Variants in NAV2 observed in about 807,000 individuals in gnomAD.
NAV2 encodes the protein neuron navigator 2.
A neutral mutation model predicts 223.2 loss-of-function variants in NAV2; 54 were observed. The observed-to-expected ratio is 0.24, with a 90% CI of 0.19 to 0.30. The LOEUF is 0.30. Among genes scored for constraint, NAV2 ranks in the 10% least tolerant of loss-of-function variants. NAV2 has a pLI of 1.00. For missense variants in NAV2, 2,806 were observed against 3,147.5 expected (o/e 0.89, Z 2.60); for synonymous variants, 1,279 against 1,239.3 (o/e 1.03, Z -0.67).
rs1307357397 is a variant in NAV2, at chr11:19,998,311, C to G, written c.2768+14064C>G. Among the ~76,000 whole-genome samples the G allele has an allele frequency of 6.6e-6, 1 of 151,996 alleles. No individual in the cohort carries two copies. Among genetic ancestry groups the G allele is most frequent in the African/African-American group, 2.4e-5 (1 of 41,390 alleles). ...TCTCCGCCCACCTCCCTCTCCTTCT[C>G]TCTCATTGGCCATGGTGCAGGGGTC... On this transcript the variant is annotated intron_variant, in intron 11 of 37. Coordinates refer to ENST00000349880, the MANE Select transcript of NAV2 (RefSeq NM_145117.5). The surrounding 1 kb of genome is among the most constrained non-coding windows in gnomAD (Gnocchi z 5.0).
intron 1 of NAV2, among the ~76,000 whole-genome samples, chr11:19,752,857 T>C (rs1007108093): frequency 6.6e-6 from 1 of 152,182 alleles, no homozygotes; most frequent in Non-Finnish European, 1.5e-5. Context: ...GACTGAATTG[T>C]GTTCCCCCAA....
chr11:19,751,755 G>A (rs2053840622), intron 1 of NAV2, among the ~76,000 whole-genome samples: 1 of 152,142 alleles, frequency 6.6e-6, no homozygotes, highest in Non-Finnish European at 1.5e-5. Flanking sequence ...CTCTTTCAGT[G>A]GAATGCAAGC....
Position 20,048,791 on chromosome 11 carries a change from G to A in NAV2, c.3966G>A (p.Ser1322=), listed in dbSNP as rs1335439919. 8 of 1,614,142 alleles carry A rather than the reference G, an allele frequency of 5.0e-6. No individual in the cohort carries two copies. The highest frequency in any genetic ancestry group is 6.8e-6 in the Non-Finnish European group (8 of 1,180,028). ...PIATAENMKN[S]VVISNPHATM... Reference sequence around the variant, plus strand: ...CCACAGCTGAAAACATGAAAAATTCGGTGGTCATCTCCAATCCTCATGCCA... The same window carrying A: ...CCACAGCTGAAAACATGAAAAATTCAGTGGTCATCTCCAATCCTCATGCCA... Residue 1322 remains serine, a synonymous_variant, in exon 15 of 38, where the codon TCG becomes TCA. Transcript: ENST00000349880.
chr11:19,798,175 T>C (rs903629999), intron 1 of NAV2, among the ~76,000 whole-genome samples: 3 of 152,174 alleles, frequency 2.0e-5, no homozygotes, highest in African/African-American at 7.2e-5. Flanking sequence ...CACCAGTTGA[T>C]GGTTCATCTA....
At chr11:20,070,859 A>T (rs2059356643) in intron 22 of NAV2, among the ~76,000 whole-genome samples, 2 of 152,220 alleles carry the variant, frequency 1.3e-5, no homozygotes, top group African/African-American at 2.4e-5. Flanking sequence ...GTTTAGCAGA[A>T]AAATGGGATC....
chr11:19,968,886 A>G (rs527385807), intron 10 of NAV2, among the ~76,000 whole-genome samples: 1 of 152,150 alleles, frequency 6.6e-6, no homozygotes, highest in Admixed American at 6.5e-5. Flanking sequence ...GACTGCTGCT[A>G]GGGCACCCCT....
intron 1 of NAV2, among the ~76,000 whole-genome samples, chr11:19,442,925 A>G (rs1851455634): frequency 6.6e-6 from 1 of 152,124 alleles, no homozygotes; most frequent in Non-Finnish European, 1.5e-5. Context: ...CCATCGGGAG[A>G]AATGTGGTCC....
At chr11:19,949,540 T>C (rs934020407) in intron 10 of NAV2, among the ~76,000 whole-genome samples, 1 of 152,212 alleles carries the variant, frequency 6.6e-6, no homozygotes, top group African/African-American at 2.4e-5. Context: ...GCCTGGATTC[T>C]GCTTCCCAGA....
intron 5 of NAV2, among the ~76,000 whole-genome samples, chr11:19,891,806 T>A (rs2041520121): frequency 6.6e-6 from 1 of 152,190 alleles, no homozygotes; most frequent in Non-Finnish European, 1.5e-5. Context: ...ACAGTTTTTA[T>A]ACCTATCAGA....
chr11:19,585,879 A>T (rs2045881208), intron 1 of NAV2, among the ~76,000 whole-genome samples: 1 of 151,870 alleles, frequency 6.6e-6, no homozygotes, highest in Non-Finnish European at 1.5e-5. Flanking sequence ...CTTCTCGAGG[A>T]GTATGTTTGT....
At chr11:19,858,462 G>T (rs951180913) in intron 3 of NAV2, among the ~76,000 whole-genome samples, 13 of 152,154 alleles carry the variant, frequency 8.5e-5, no homozygotes, top group Non-Finnish European at 1.8e-4. Flanking sequence ...TTTATCCTTT[G>T]ATGCGTTGCA....
At chr11:20,014,305 A>G (rs1830371311) in intron 11 of NAV2, among the ~76,000 whole-genome samples, 1 of 152,200 alleles carries the variant, frequency 6.6e-6, no homozygotes. Flanking sequence ...GTAGCACTGA[A>G]ACATTTTCTT....
chr11:19,846,613 A>G (rs1276459610), intron 3 of NAV2, among the ~76,000 whole-genome samples: 4 of 152,224 alleles, frequency 2.6e-5, no homozygotes, highest in African/African-American at 9.6e-5. Flanking sequence ...GCATCTACAC[A>G]GTGCTTTAAG....
At chr11:20,057,317 C>T (rs1182941271) in intron 19 of NAV2, among the ~76,000 whole-genome samples, 1 of 152,168 alleles carries the variant, frequency 6.6e-6, no homozygotes, top group East Asian at 1.9e-4. Context: ...GAGCAATTGC[C>T]CCCTGGTTTA....
At chr11:19,889,182 T>C (rs1252423284) in intron 5 of NAV2, among the ~76,000 whole-genome samples, 1 of 152,204 alleles carries the variant, frequency 6.6e-6, no homozygotes, top group Non-Finnish European at 1.5e-5. Context: ...CAAGAGATGT[T>C]TTGGTTCCCT....
intron 1 of NAV2, among the ~76,000 whole-genome samples, chr11:19,636,530 G>A (rs928336002): frequency 1.9e-4 from 27 of 145,850 alleles, no homozygotes; most frequent in African/African-American, 4.6e-4. Context: ...TCGCTCTGTC[G>A]CCCAGGCTGG....
rs554423514 is a variant in NAV2 at position 19,404,226 on chromosome 11, A to G, written c.75+53199A>G. 3.9e-5 allele frequency among the ~76,000 whole-genome samples: 6 copies of G among 152,272 alleles called. No individual in the cohort carries two copies. The South Asian group carries it at 1.0e-3, about 26-fold the overall frequency. ...AGGGGGAGATCATGGAAAGATTTTA[A>G]TTGTGAACGATGTGATCACATTGTA... On this transcript the variant is annotated intron_variant, in intron 1 of 37. Transcript: ENST00000360655.
intron 8 of NAV2, among the ~76,000 whole-genome samples, chr11:19,941,623 C>T (rs927673825): frequency 6.6e-6 from 1 of 151,894 alleles, no homozygotes; most frequent in Non-Finnish European, 1.5e-5. Context: ...ATGTACAGAG[C>T]CTTACAGTTG....
At chr11:20,067,701 G>A (rs889688077) in intron 20 of NAV2, among the ~76,000 whole-genome samples, 1 of 150,888 alleles carries the variant, frequency 6.6e-6, no homozygotes, top group African/African-American at 2.4e-5. Flanking sequence ...TGTTGGCCAG[G>A]CTGGTCTTCA....
Sources: gnomAD v4.1 joint callset for allele counts (sites outside exome capture counted in the v4.1 genomes callset) on GRCh38, gnomAD v4.1.1 for gene constraint, Gnocchi (gnomAD v3.1) non-coding constraint, MANE v1.5 for transcripts, NCBI Gene and HGNC (gene_info 2026-07-23, HGNC 2026-07-21) for gene names.